CLDN10: variants seen among roughly 807,000 people sequenced by gnomAD.
CLDN10 encodes the protein claudin 10.
Under a neutral mutation model 22.9 loss-of-function variants are expected in CLDN10, and 15 were observed. The observed-to-expected ratio is 0.65, with a 90% CI of 0.44 to 1.01. The LOEUF is 1.01. CLDN10 is among the 50% of genes least tolerant of loss of function. The pLI, the probability that CLDN10 is intolerant of heterozygous loss-of-function variation, is 0.00. For missense variants in CLDN10, 247 were observed against 287.8 expected, an observed-to-expected ratio of 0.86 and a Z score of 1.03; for synonymous variants, 114 against 111.4, an observed-to-expected ratio of 1.02 and a Z score of -0.15.
chr13:95,517,142 CCCTTCTTT>C (rs1256300704), intron 1 of CLDN10, among the ~76,000 whole-genome samples: 3 of 150,996 alleles, frequency 2.0e-5, no homozygotes, highest in East Asian at 3.9e-4. Flanking sequence ...CTCCCTTCCT[CCCTTCTTT>C]CCTTCTTTCC....
intron 1 of CLDN10, among the ~76,000 whole-genome samples, chr13:95,440,406 T>C (rs906354448): frequency 6.6e-6 from 1 of 152,212 alleles, no homozygotes; most frequent in African/African-American, 2.4e-5. Flanking sequence ...CTGGGAGTAG[T>C]GGCTCATGCT....
In CLDN10 at chr13:95,572,406, G is replaced by A. The variant is rs1594622755; in HGVS notation, c.465-4825G>A. On this transcript the variant is annotated intron_variant, in intron 3 of 4. Transcript: ENST00000299339. ...AAATCCTGGGTCTACCATTTACTTG[G>A]CTGAGACATGAAGGAACAAGTAATT... Among the ~76,000 whole-genome samples, 3 of 152,070 alleles carry A rather than the reference G, an allele frequency of 2.0e-5. 1 individual carries two copies. In the South Asian group the frequency reaches 6.2e-4, roughly 32 times the overall value.
intron 1 of CLDN10, among the ~76,000 whole-genome samples, chr13:95,519,936 G>A (rs753687683): frequency 1.1e-4 from 16 of 152,320 alleles, no homozygotes; most frequent in South Asian, 2.1e-4. Context: ...TATGAAAAGC[G>A]TATGAAAATC....
chr13:95,479,973 C>T (rs964373651), intron 1 of CLDN10: 5 of 152,410 alleles, frequency 3.3e-5, no homozygotes, highest in South Asian at 4.1e-4. Context: ...CTAATAAAGA[C>T]ATACCCAAGA....
intron 1 of CLDN10, among the ~76,000 whole-genome samples, chr13:95,521,288 T>C (rs577703426): frequency 1.3e-5 from 2 of 152,364 alleles, no homozygotes; most frequent in East Asian, 3.9e-4. Flanking sequence ...TTCAATGTTT[T>C]ATCAATAAGT....
chr13:95,437,387 G>A (rs1217490499), intron 1 of CLDN10, among the ~76,000 whole-genome samples: 1 of 152,122 alleles, frequency 6.6e-6, no homozygotes, highest in East Asian at 1.9e-4. Flanking sequence ...CATAAGCTAG[G>A]TCTCGTTTTG....
chr13:95,479,980 A>C (rs1028971200), intron 1 of CLDN10: 2 of 152,244 alleles, frequency 1.3e-5, no homozygotes, highest in Non-Finnish European at 2.9e-5. Flanking sequence ...AGACATACCC[A>C]AGACTGGGGA....
At chr13:95,441,164 A>C (rs1307613606) in intron 1 of CLDN10, among the ~76,000 whole-genome samples, 1 of 152,212 alleles carries the variant, frequency 6.6e-6, no homozygotes, top group Non-Finnish European at 1.5e-5. Context: ...TTGCAGAGGG[A>C]ATCTCTTCTC....
chr13:95,444,065 G>T lies in CLDN10; in HGVS notation c.214+10018G>T, dbSNP rs1392911445. Among the ~76,000 whole-genome samples the T allele has an allele frequency of 4.6e-5, 7 of 152,138 alleles. No individual in the cohort carries two copies. In the East Asian group the frequency reaches 1.2e-3, roughly 25 times the overall value. The stretch of plus-strand genomic sequence containing the variant: ...CTGGTGAACATGTAGTGTAGAAAAG[G>T]TTCAGGTTTATCTCTCACAAGGTTC... On this transcript the variant is annotated intron_variant, in intron 1 of 4. Coordinates refer to the CLDN10 transcript ENST00000376873.
intron 3 of CLDN10, among the ~76,000 whole-genome samples, chr13:95,576,548 C>G (rs1411024297): frequency 6.6e-6 from 1 of 152,186 alleles, no homozygotes; most frequent in African/African-American, 2.4e-5. Flanking sequence ...AGGATTTCCT[C>G]TAGTCCGCTA....
intron 1 of CLDN10, among the ~76,000 whole-genome samples, chr13:95,476,403 G>A (rs908195842): frequency 7.9e-5 from 12 of 152,282 alleles, no homozygotes; most frequent in African/African-American, 2.9e-4. Context: ...TTCTCTCTGT[G>A]TCCTCACGTG....
upstream of CLDN10, among the ~76,000 whole-genome samples, chr13:95,548,169 A>G (rs2043529473): frequency 6.6e-6 from 1 of 152,206 alleles, no homozygotes; most frequent in Non-Finnish European, 1.5e-5. Flanking sequence ...GTGCTTATGG[A>G]CAAACAAAAT....
At chr13:95,468,683 G>T (rs34137346) in intron 1 of CLDN10, among the ~76,000 whole-genome samples, 1 of 151,710 alleles carries the variant, frequency 6.6e-6, no homozygotes, top group Non-Finnish European at 1.5e-5. Flanking sequence ...CCAAGATCAC[G>T]CCACTGCACT....
At chr13:95,470,005 G>A (rs1469043585) in intron 1 of CLDN10, among the ~76,000 whole-genome samples, 1 of 151,998 alleles carries the variant, frequency 6.6e-6, no homozygotes, top group African/African-American at 2.4e-5. Context: ...CTAAAGTCTC[G>A]ATTATAAATG....
upstream of CLDN10, among the ~76,000 whole-genome samples, chr13:95,550,611 T>C (rs977700685): frequency 2.6e-5 from 4 of 152,132 alleles, no homozygotes; most frequent in Non-Finnish European, 4.4e-5. Context: ...GTTTTTCAAA[T>C]AGTAATTGGA....
chr13:95,514,801 TAA>T (rs2043146193), intron 1 of CLDN10, among the ~76,000 whole-genome samples: 1 of 152,154 alleles, frequency 6.6e-6, no homozygotes, highest in Non-Finnish European at 1.5e-5. Flanking sequence ...ATTTGCTTTA[TAA>T]GTTAAGAGGC....
chr13:95,568,650 G>T (rs1340653245), intron 3 of CLDN10, among the ~76,000 whole-genome samples: 1 of 152,042 alleles, frequency 6.6e-6, no homozygotes, highest in Non-Finnish European at 1.5e-5. Context: ...TTTATTGGTT[G>T]TTCTCCTAAA....
Position 95,511,855 on chromosome 13 carries a change from T to C in CLDN10, c.215-48277T>C, listed in dbSNP as rs182186731. ...CTGACTTTTTTTCTCTTTTTATTAT[T>C]ATTATTATTGTACTTTAAGTTTTAG... On this transcript the variant is annotated intron_variant, in intron 1 of 4. Transcript: ENST00000376873. 1.3e-3 allele frequency among the ~76,000 whole-genome samples: 179 copies of C among 136,006 alleles called. 4 individuals carry two copies. The highest frequency in any genetic ancestry group is 4.3e-3 in the African/African-American group (171 of 39,612). The allele number at this position is 136,006 out of a possible 152,430, so 89.2% of individuals were successfully genotyped here. A position where few individuals can be genotyped will look rare whatever the true frequency, so the allele number is the denominator to read the frequency against.
intron 1 of CLDN10, among the ~76,000 whole-genome samples, chr13:95,491,030 T>A (rs369726123): frequency 2.3e-4 from 35 of 152,332 alleles, no homozygotes; most frequent in African/African-American, 7.9e-4. Context: ...CTCTTCTAAC[T>A]GCTATTGCTT....
Sources: allele counts gnomAD v4.1 joint callset (sites outside exome capture counted in the v4.1 genomes callset), GRCh38; gene constraint gnomAD v4.1.1; transcripts MANE v1.5; gene names NCBI Gene and HGNC (gene_info 2026-07-23, HGNC 2026-07-21).